ITPKB: variants seen among roughly 807,000 people sequenced by gnomAD.
ITPKB encodes IP3 3-kinase B.
Under a neutral mutation model 69.4 loss-of-function variants are expected in ITPKB, and 13 were observed. The observed-to-expected ratio is 0.19, with a 90% confidence interval of 0.12 to 0.30. The LOEUF (loss-of-function observed/expected upper bound fraction) is 0.30, where lower values mean the gene tolerates loss of function less well. Among genes scored for constraint, ITPKB ranks in the 10% least tolerant of loss-of-function variants. The pLI is 1.00. For missense variants in ITPKB, 1,240 were observed against 1,250.5 expected, an observed-to-expected ratio of 0.99 and a Z score of 0.13; for synonymous variants, 584 against 513.7, an observed-to-expected ratio of 1.14 and a Z score of -1.85.
At chr1:226,662,213 G>A (rs1381375077) in intron 2 of ITPKB, among the ~76,000 whole-genome samples, 1 of 152,178 alleles carries the variant, frequency 6.6e-6, no homozygotes, top group Non-Finnish European at 1.5e-5. Context: ...AGGCAGCTCT[G>A]CCAGGTGGCC....
chr1:226,668,882 T>C (rs1669555835), intron 2 of ITPKB: 1 of 152,206 alleles, frequency 6.6e-6, no homozygotes, highest in African/African-American at 2.4e-5. Context: ...TTTTATTCAT[T>C]ACTGCTACAG....
intron 2 of ITPKB, among the ~76,000 whole-genome samples, chr1:226,687,171 G>A (rs1656236525): frequency 6.6e-6 from 1 of 152,188 alleles, no homozygotes; most frequent in Admixed American, 6.5e-5. Flanking sequence ...TTACACTTGG[G>A]CCAAAATAAG....
chr1:226,656,326 C>G (rs1669286432), intron 2 of ITPKB, among the ~76,000 whole-genome samples: 1 of 152,198 alleles, frequency 6.6e-6, no homozygotes, highest in South Asian at 2.1e-4. Flanking sequence ...AGATCAAACT[C>G]AGCAGGTGTG....
Position 226,635,620 on chromosome 1 carries a change from C to T in ITPKB, c.2626-734G>A, listed in dbSNP as rs115203817. Reference sequence around the variant, plus strand: ...CTCCTCCCAAACACTCTGCAGGGAACCACAGTGAAGGGGAAGGTGCCCAGG... The same window carrying T: ...CTCCTCCCAAACACTCTGCAGGGAATCACAGTGAAGGGGAAGGTGCCCAGG... On this transcript the variant is annotated intron_variant, in intron 7 of 7. Transcript: ENST00000429204. Among the ~76,000 whole-genome samples, 1,028 of 152,354 alleles carry T rather than the reference C, an allele frequency of 6.7e-3. 12 individuals are homozygous for T. Among genetic ancestry groups the T allele is most frequent in the Middle Eastern group, 0.024 (7 of 294 alleles).
intron 2 of ITPKB, chr1:226,657,210 C>T (rs772239056): frequency 4.6e-5 from 7 of 152,158 alleles, no homozygotes; most frequent in South Asian, 2.1e-4. Context: ...AAGTCACTGA[C>T]GTTGCAAAAA....
chr1:226,722,068 C>T (rs1657260109), intron 2 of ITPKB, among the ~76,000 whole-genome samples: 1 of 152,166 alleles, frequency 6.6e-6, no homozygotes, highest in Non-Finnish European at 1.5e-5. Context: ...CCACCTCAGC[C>T]TCTCAAAGTG....
At chr1:226,726,256 C>A (rs781088120) in intron 2 of ITPKB, among the ~76,000 whole-genome samples, 31 of 152,328 alleles carry the variant, frequency 2.0e-4, no homozygotes, top group Non-Finnish European at 3.5e-4. Flanking sequence ...AAAAAACATT[C>A]TCAGAGGAGG....
intron 2 of ITPKB, chr1:226,707,710 T>C (rs1656837350): frequency 9.7e-7 from 1 of 1,035,034 alleles, no homozygotes; most frequent in Non-Finnish European, 1.2e-6. Context: ...AAATTACAAC[T>C]TCAAGGGACA....
intron 2 of ITPKB, among the ~76,000 whole-genome samples, chr1:226,654,516 A>G (rs1192668019): frequency 1.3e-5 from 2 of 152,176 alleles, no homozygotes; most frequent in African/African-American, 4.8e-5. Flanking sequence ...GCCAAGGCCT[A>G]CACAGAATGA....
At chr1:226,678,371 G>A (rs1056324309) in intron 2 of ITPKB, among the ~76,000 whole-genome samples, 1 of 152,238 alleles carries the variant, frequency 6.6e-6, no homozygotes, top group African/African-American at 2.4e-5. Context: ...TTTCCCTAAA[G>A]GGGGAGGAAA....
rs1393881198 is a variant in ITPKB at position 226,634,608 on chromosome 1, G to A, written c.*63C>T. 7 of 719,258 alleles carry A rather than the reference G, an allele frequency of 9.7e-6. No individual in the cohort carries two copies. The highest frequency in any genetic ancestry group is 3.0e-5 in the South Asian group (2 of 66,076). 44.6% of individuals were successfully genotyped at this position (719,258 alleles called of 1,614,324 possible). A position where few individuals can be genotyped will look rare whatever the true frequency, so the allele number is the denominator to read the frequency against. ...TGTAAGTGAAGGAAAAGTTAGGAAC[G>A]AGAAAGGAAGCACAGGAGGAGGAAA... On this transcript the variant is annotated 3_prime_UTR_variant, in exon 8 of 8. Coordinates refer to ENST00000429204, the MANE Select transcript of ITPKB (RefSeq NM_002221.4). The surrounding 1 kb of genome is among the most constrained non-coding windows in gnomAD (Gnocchi z 6.3).
At chr1:226,656,454 G>A (rs1351682704) in intron 2 of ITPKB, among the ~76,000 whole-genome samples, 3 of 152,134 alleles carry the variant, frequency 2.0e-5, no homozygotes, top group South Asian at 2.1e-4. Context: ...TTCCTCTCCC[G>A]GAAGCCACAG....
chr1:226,634,978 T>G lies in ITPKB; in HGVS notation c.2626-92A>C, dbSNP rs916018022. On this transcript the variant is annotated intron_variant, in intron 7 of 7. Transcript: ENST00000429204. The surrounding 1 kb of genome is among the most constrained non-coding windows in gnomAD (Gnocchi z 6.3). ...GGCCTGGGTGACCAGGTGGGGAGGC[T>G]CGCTCAGGCCGGACAGTTGGGTGCC... 2.1e-6 allele frequency: 2 copies of G among 956,772 alleles called. No homozygotes were observed. The highest frequency in any genetic ancestry group is 2.6e-5 in the East Asian group (1 of 38,416). 59.3% of individuals were successfully genotyped at this position (956,772 alleles called of 1,614,324 possible).
chr1:226,708,401 G>A (rs1656863042), intron 2 of ITPKB, among the ~76,000 whole-genome samples: 1 of 152,308 alleles, frequency 6.6e-6, no homozygotes, highest in African/African-American at 2.4e-5. Flanking sequence ...GCTCTTTGGA[G>A]CTACTCCCAG....
At chr1:226,717,245 C>T (rs1416531871) in intron 2 of ITPKB, among the ~76,000 whole-genome samples, 1 of 152,158 alleles carries the variant, frequency 6.6e-6, no homozygotes, top group Non-Finnish European at 1.5e-5. Flanking sequence ...TAAAAGATGG[C>T]AAGGACATGG....
At chr1:226,647,446 A>G in intron 3 of ITPKB, 66 bp from the exon 4 acceptor site, 1 of 1,231,980 alleles carries the variant, frequency 8.1e-7, no homozygotes, top group Non-Finnish European at 1.2e-6. Flanking sequence ...CACCCTCCCC[A>G]GCACAGGGTC....
Position 226,735,642 on chromosome 1 carries a change from G to A in ITPKB, c.1817C>T (p.Thr606Met), listed in dbSNP as rs143130106. The A allele has an allele frequency of 3.2e-5, 52 of 1,611,814 alleles. No homozygotes were observed. The African/African-American group carries it at 5.5e-4, about 17-fold the overall frequency. Reference protein sequence around the residue: ...RKLSSSSASSTGFSSSYEDSE... With the variant: ...RKLSSSSASSMGFSSSYEDSE... The stretch of plus-strand genomic sequence containing the variant: ...GTCTTCGTAGGATGAGGAGAAGCCC[G>A]TGGAGGAGGCCGAGGAAGAGGACAG... The change falls in exon 2 of 8, where the codon ACG becomes ATG. Residue 606 changes from threonine to methionine, a missense_variant. By Grantham distance (81) the Thr-to-Met change is moderately conservative. This residue lies in a region of ITPKB where 992 missense variants were observed against 853.8 expected (regional missense o/e 1.16). Coordinates refer to ENST00000429204, the MANE Select transcript of ITPKB (RefSeq NM_002221.4).
At chr1:226,647,813 G>A (rs1338903418) in intron 3 of ITPKB, among the ~76,000 whole-genome samples, 1 of 152,246 alleles carries the variant, frequency 6.6e-6, no homozygotes. Flanking sequence ...GATACAGCAG[G>A]CTGAGAAGCT....
rs1280141018 is a variant in ITPKB, at chr1:226,654,199, G to T, written c.1933-5428C>A. The stretch of plus-strand genomic sequence containing the variant: ...ACTTGAAAGAGCTAAAATATTCAGA[G>T]AATGTGGAGAGAGATTTGTAGTGGG... On this transcript the variant is annotated intron_variant, in intron 2 of 7. Coordinates refer to ENST00000429204, the MANE Select transcript of ITPKB (RefSeq NM_002221.4). 2.6e-5 allele frequency among the ~76,000 whole-genome samples: 4 copies of T among 152,102 alleles called. 1 individual carries two copies. In the South Asian group the frequency reaches 8.3e-4, roughly 32 times the overall value.
Sources: gnomAD v4.1 joint callset for allele counts (sites outside exome capture counted in the v4.1 genomes callset) on GRCh38, gnomAD v4.1.1 for gene constraint, gnomAD v4.1.1 regional missense constraint, Gnocchi (gnomAD v3.1) non-coding constraint, MANE v1.5 for transcripts, NCBI Gene and HGNC (gene_info 2026-07-23, HGNC 2026-07-21) for gene names.